PBX3: variants seen among roughly 807,000 people sequenced by gnomAD.
PBX3 encodes the protein PBX homeobox 3.
Under a neutral mutation model 48.5 loss-of-function variants are expected in PBX3, and 14 were observed. The observed-to-expected ratio is 0.29, with a 90% CI of 0.19 to 0.45. The LOEUF (loss-of-function observed/expected upper bound fraction) is 0.45, where lower values mean the gene tolerates loss of function less well. Ranked by LOEUF, PBX3 falls within the 20% of genes least tolerant of loss-of-function variation. PBX3 has a pLI of 1.00. For synonymous variants in PBX3, 210 were observed against 200.3 expected, an observed-to-expected ratio of 1.05 and a Z score of -0.41; for missense variants, 386 against 546.7, an observed-to-expected ratio of 0.71 and a Z score of 2.93.
At chr9:125,802,355 G>C (rs1837979195) in intron 2 of PBX3, among the ~76,000 whole-genome samples, 1 of 97,684 alleles carries the variant, frequency 1.0e-5, no homozygotes, top group East Asian at 3.1e-4. Flanking sequence ...GAGAACATTA[G>C]TGCATTTTTT....
intron 5 of PBX3, chr9:125,949,493 G>A (rs1842142229): frequency 6.5e-7 from 1 of 1,549,934 alleles, no homozygotes; most frequent in Non-Finnish European, 8.7e-7. Flanking sequence ...GCATGAGGGT[G>A]TGTCTGTTCT....
chr9:125,962,082 C>T lies in PBX3; in HGVS notation c.1010-20C>T, dbSNP rs1842442358. On this transcript the variant is annotated intron_variant, in intron 6 of 8. Transcript: ENST00000373489. ...TGTGTAGCTCTCTGTTATTCAGCTACTTAACTCTTTCCTTTCCAGGTTCTT... is the reference window on the plus strand; with the variant it reads ...TGTGTAGCTCTCTGTTATTCAGCTATTTAACTCTTTCCTTTCCAGGTTCTT... 2 of 1,282,260 alleles carry T rather than the reference C, an allele frequency of 1.6e-6. No individual in the cohort carries two copies. The highest frequency in any genetic ancestry group is 2.3e-6 in the Non-Finnish European group (2 of 878,128). The allele number at this position is 1,282,260 out of a possible 1,614,324, so 79.4% of individuals were successfully genotyped here. A position where few individuals can be genotyped will look rare whatever the true frequency, so the allele number is the denominator to read the frequency against.
At chr9:125,813,179 T>A (rs1157639973) in intron 2 of PBX3, among the ~76,000 whole-genome samples, 1 of 151,016 alleles carries the variant, frequency 6.6e-6, no homozygotes, top group Non-Finnish European at 1.5e-5. Context: ...ATTGTACAGC[T>A]TTACAGAAAT....
chr9:125,927,933 C>T (rs886740768), intron 3 of PBX3, among the ~76,000 whole-genome samples: 1 of 152,122 alleles, frequency 6.6e-6, no homozygotes, highest in African/African-American at 2.4e-5. Context: ...GTAATCCTAG[C>T]ACTTCGGGAG....
chr9:125,880,863 A>AT (rs1398510937), intron 2 of PBX3, among the ~76,000 whole-genome samples: 3 of 152,206 alleles, frequency 2.0e-5, no homozygotes, highest in Non-Finnish European at 4.4e-5. Context: ...CAAGGTGTAC[A>AT]TTTTTTGTGC....
At chr9:125,808,946 TC>T (rs1838206908) in intron 2 of PBX3, among the ~76,000 whole-genome samples, 1 of 152,216 alleles carries the variant, frequency 6.6e-6, no homozygotes, top group Non-Finnish European at 1.5e-5. Flanking sequence ...ATCACAGCCT[TC>T]TTGTCCTTAG....
intron 2 of PBX3, among the ~76,000 whole-genome samples, chr9:125,873,999 A>G (rs1054670790): frequency 5.9e-5 from 9 of 152,184 alleles, no homozygotes; most frequent in African/African-American, 1.9e-4. Flanking sequence ...AAGAAGCACA[A>G]ATAAATACCA....
At chr9:125,816,484 A>G (rs1838467701) in intron 2 of PBX3, among the ~76,000 whole-genome samples, 2 of 152,202 alleles carry the variant, frequency 1.3e-5, no homozygotes, top group Non-Finnish European at 2.9e-5. Context: ...GTTCGGAGTG[A>G]TTTTATCTGC....
At chr9:125,842,961 A>T (rs1434009596) in intron 2 of PBX3, among the ~76,000 whole-genome samples, 1 of 152,024 alleles carries the variant, frequency 6.6e-6, no homozygotes, top group Non-Finnish European at 1.5e-5. Context: ...TTTTTATGTC[A>T]GTTCTAGCTT....
At chr9:125,863,329 G>A (rs1277395098) in intron 2 of PBX3, among the ~76,000 whole-genome samples, 2 of 151,728 alleles carry the variant, frequency 1.3e-5, no homozygotes, top group Non-Finnish European at 2.9e-5. Flanking sequence ...TCAGCCTCCT[G>A]AGTAGCTGGG....
At chr9:125,762,328 A>G (rs1836691501) in intron 2 of PBX3, among the ~76,000 whole-genome samples, 2 of 152,096 alleles carry the variant, frequency 1.3e-5, no homozygotes, top group South Asian at 4.1e-4. Flanking sequence ...TCCACCCACT[A>G]TGTGTATCTG....
At chr9:125,867,734 TTCTG>T (rs1278478397) in intron 2 of PBX3, among the ~76,000 whole-genome samples, 1 of 150,152 alleles carries the variant, frequency 6.7e-6, no homozygotes, top group Non-Finnish European at 1.5e-5. Flanking sequence ...ATGATTGTCT[TTCTG>T]TCTCTCTCTC....
chr9:125,781,878 G>A (rs1021457690), intron 2 of PBX3, among the ~76,000 whole-genome samples: 6 of 151,628 alleles, frequency 4.0e-5, no homozygotes, highest in Admixed American at 6.6e-5. Flanking sequence ...ATAAGTTTTG[G>A]TATGTTGTAT....
chr9:125,840,981 A>G (rs2132228889), intron 2 of PBX3, among the ~76,000 whole-genome samples: 1 of 152,250 alleles, frequency 6.6e-6, no homozygotes, highest in African/African-American at 2.4e-5. Flanking sequence ...TAGTTCAATT[A>G]TTATATTACC....
intron 2 of PBX3, among the ~76,000 whole-genome samples, chr9:125,899,651 C>A (rs113134316): frequency 6.6e-6 from 1 of 151,322 alleles, no homozygotes; most frequent in Non-Finnish European, 1.5e-5. Flanking sequence ...CATATAGACT[C>A]TCCTTCACTC....
intron 2 of PBX3, among the ~76,000 whole-genome samples, chr9:125,752,303 G>A (rs1163903456): frequency 1.6e-4 from 24 of 152,154 alleles, no homozygotes; most frequent in African/African-American, 2.4e-5. Context: ...GGAGGTGTCC[G>A]CAGGGGAAGA....
intron 5 of PBX3, among the ~76,000 whole-genome samples, chr9:125,939,198 T>G (rs1841906019): frequency 6.6e-6 from 1 of 152,118 alleles, no homozygotes; most frequent in African/African-American, 2.4e-5. Flanking sequence ...CAAGAAGATA[T>G]TTACAAGTGT....
rs59271982 is a variant in PBX3 at position 125,793,366 on chromosome 9, A to AAAATATAT, written c.274+44744_274+44745insAATATATA. Among the ~76,000 whole-genome samples, 152 of 101,940 alleles carry AAAATATAT rather than the reference A, an allele frequency of 1.5e-3. No individual in the cohort carries two copies. The Middle Eastern group carries it at 0.015, about 10-fold the overall frequency. The allele number at this position is 101,940 out of a possible 152,430, so 66.9% of individuals were successfully genotyped here. On this transcript the variant is annotated intron_variant, in intron 2 of 8. Coordinates refer to ENST00000373489, the MANE Select transcript of PBX3 (RefSeq NM_006195.6). ...GACTCCATTTGGGGGGGAAAAAAAAAATATATATATATATATATATATATA... is the reference window on the plus strand; with the variant it reads ...GACTCCATTTGGGGGGGAAAAAAAAAAAATATATATATATATATATATATATATATATA...
chr9:125,960,645 C>A, intron 5 of PBX3, 39 bp from the exon 6 acceptor site: 2 of 1,599,750 alleles, frequency 1.3e-6, no homozygotes, highest in Non-Finnish European at 1.7e-6. Flanking sequence ...TTACTTCTTC[C>A]TCTCTTCCCC....
Sources: gnomAD v4.1 joint callset for allele counts (sites outside exome capture counted in the v4.1 genomes callset) on GRCh38, gnomAD v4.1.1 for gene constraint, MANE v1.5 for transcripts, NCBI Gene and HGNC (gene_info 2026-07-23, HGNC 2026-07-21) for gene names.